MPHOSPH8: variants seen among roughly 807,000 people sequenced by gnomAD.
MPHOSPH8 encodes the protein M-phase phosphoprotein 8.
In MPHOSPH8, 45 loss-of-function variants were observed where a neutral mutation model predicts 87.3. That is an observed-to-expected ratio of 0.52 (90% CI 0.41 to 0.66). The LOEUF is 0.66. Ranked by LOEUF, MPHOSPH8 falls within the 30% of genes least tolerant of loss-of-function variation. MPHOSPH8 has a pLI of 0.00. For missense variants in MPHOSPH8, 883 were observed against 1,020.2 expected, an observed-to-expected ratio of 0.87 and a Z score of 1.83; for synonymous variants, 366 against 376.9, an observed-to-expected ratio of 0.97 and a Z score of 0.33.
chr13:19,665,249 A>G (rs1031540101), intron 9 of MPHOSPH8, among the ~76,000 whole-genome samples: 3 of 152,190 alleles, frequency 2.0e-5, no homozygotes, highest in Non-Finnish European at 4.4e-5. Flanking sequence ...TGTTCCTGAA[A>G]AGCTGTATTT....
intron 5 of MPHOSPH8, among the ~76,000 whole-genome samples, chr13:19,655,786 T>G (rs563190182): frequency 1.3e-5 from 2 of 152,010 alleles, no homozygotes; most frequent in East Asian, 1.9e-4. Flanking sequence ...GACAAAGAAA[T>G]AAAAAAGCCA....
chr13:19,646,534 A>T lies in MPHOSPH8; in HGVS notation c.461A>T (p.Lys154Met). ...TKEDTSPKKK[K>M]KKLRQREEKS... is the part of the protein sequence containing the mutation. The stretch of plus-strand genomic sequence containing the variant: ...GAAGATACTTCCCCAAAGAAGAAAA[A>T]GAAAAAATTGAGGCAGAGAGAAGAG... Residue 154 changes from lysine (K) to methionine (M), a missense_variant, in exon 3 of 14, where the codon AAG (lysine) becomes ATG (methionine). Coordinates refer to ENST00000361479, the MANE Select transcript of MPHOSPH8 (RefSeq NM_017520.4). 1 of 1,575,070 alleles carries T rather than the reference A, an allele frequency of 6.3e-7. No homozygotes were observed. The highest frequency in any genetic ancestry group is 2.3e-5 in the East Asian group (1 of 44,384).
At chr13:19,646,148 A>G (rs994477502) in intron 2 of MPHOSPH8, among the ~76,000 whole-genome samples, 4 of 152,196 alleles carry the variant, frequency 2.6e-5, no homozygotes, top group African/African-American at 9.7e-5. Flanking sequence ...AATTCAAATC[A>G]TTTATAGCCC....
At chr13:19,643,525 C>G (rs1215363815) in intron 2 of MPHOSPH8, among the ~76,000 whole-genome samples, 1 of 152,188 alleles carries the variant, frequency 6.6e-6, no homozygotes, top group Non-Finnish European at 1.5e-5. Context: ...GTTGGGATTA[C>G]AGGTGTGAGC....
At position 19,672,917 on chromosome 13, in the gene MPHOSPH8, G is replaced by A. The variant is rs1876216884; in HGVS notation, c.*1042G>A. ...AGTTCAAGACCAGCCTGGGTAACATGGGGTGGAACAAGCCTGTAGTCCCAG... is the reference window on the plus strand; with the variant it reads ...AGTTCAAGACCAGCCTGGGTAACATAGGGTGGAACAAGCCTGTAGTCCCAG... On this transcript the variant is annotated 3_prime_UTR_variant, in exon 14 of 14. Coordinates refer to ENST00000361479, the MANE Select transcript of MPHOSPH8 (RefSeq NM_017520.4). 1 of 363,252 alleles carries A rather than the reference G, an allele frequency of 2.8e-6. No homozygotes were observed. The highest frequency in any genetic ancestry group is 3.7e-5 in the Admixed American group (1 of 26,912). The allele number at this position is 363,252 out of a possible 1,614,324, so 22.5% of individuals were successfully genotyped here.
chr13:19,653,199 G>A (rs540199319), intron 5 of MPHOSPH8, among the ~76,000 whole-genome samples: 4 of 152,192 alleles, frequency 2.6e-5, no homozygotes, highest in African/African-American at 4.8e-5. Context: ...GGCATCTGGC[G>A]GGTGCCCCTC....
rs1873823176 is a variant in MPHOSPH8 at position 19,633,687 on chromosome 13, C to G, written c.-62C>G. 1.3e-6 allele frequency: 2 copies of G among 1,531,304 alleles called. No individual in the cohort carries two copies. The highest frequency in any genetic ancestry group is 1.8e-6 in the Non-Finnish European group (2 of 1,130,046). The allele number at this position is 1,531,304 out of a possible 1,614,324, so 94.9% of individuals were successfully genotyped here. ...GTGGAGTAGGGCCGAGCGCGGAACG[C>G]GAGGGGCTGCTGGGGTGTTTGTCGC... On this transcript the variant is annotated 5_prime_UTR_variant, in exon 1 of 14. Transcript: ENST00000361479.
In MPHOSPH8 at chr13:19,633,821, G is replaced by A. The variant is rs139734802; in HGVS notation, c.73G>A (p.Ala25Thr). Reference protein sequence around the residue: ...VSAADSTEELAEVEEGVGVVG... With the variant: ...VSAADSTEELTEVEEGVGVVG... ...AGCTGCCGACAGCACTGAGGAGTTG[G>A]CCGAAGTCGAAGAAGGAGTTGGAGT... Residue 25 changes from alanine to threonine, a missense_variant, in exon 1 of 14, where the codon GCC (alanine) becomes ACC (threonine). This residue lies in a region of MPHOSPH8 where 103 missense variants were observed against 96.3 expected (regional missense o/e 1.07). Coordinates refer to ENST00000361479, the MANE Select transcript of MPHOSPH8 (RefSeq NM_017520.4). 9 of 1,610,334 alleles carry A rather than the reference G, an allele frequency of 5.6e-6. No homozygotes were observed. The African/African-American group carries it at 1.1e-4, about 19-fold the overall frequency.
intron 9 of MPHOSPH8, among the ~76,000 whole-genome samples, chr13:19,665,419 G>A (rs1346691426): frequency 2.6e-5 from 4 of 152,216 alleles, no homozygotes; most frequent in Non-Finnish European, 5.9e-5. Context: ...GCCCTCGCCT[G>A]TCACTGCAGG....
chr13:19,670,394 G>T (rs1565945410), intron 12 of MPHOSPH8, 31 bp downstream of exon 12: 6 of 1,602,990 alleles, frequency 3.7e-6, no homozygotes, highest in Non-Finnish European at 5.1e-6. Context: ...CTACTGAAAA[G>T]TACATTCTTC....
At chr13:19,671,351 C>CTA in intron 13 of MPHOSPH8, 62 bp downstream of exon 13, 1 of 1,464,582 alleles carries the variant, frequency 6.8e-7, no homozygotes, top group Non-Finnish European at 9.5e-7. Context: ...ATTACTTTAT[C>CTA]AACATTAGAA....
intron 12 of MPHOSPH8, 44 bp from the exon 13 acceptor site, chr13:19,671,161 TG>T (rs1876106027): frequency 1.3e-6 from 2 of 1,599,706 alleles, no homozygotes; most frequent in South Asian, 1.1e-5. Context: ...GGGCTTCTGG[TG>T]TAAGTTTGAA....
intron 3 of MPHOSPH8, among the ~76,000 whole-genome samples, chr13:19,648,159 T>A (rs942410892): frequency 4.0e-5 from 6 of 151,742 alleles, no homozygotes; most frequent in Non-Finnish European, 5.9e-5. Context: ...TAATTTTCTT[T>A]TTTTTTTTTT....
At position 19,650,138 on chromosome 13, in the gene MPHOSPH8, AAAAC is replaced by A. The variant is rs765872906; in HGVS notation, c.1460_1463del (p.Lys487SerfsTer28). The A allele has an allele frequency of 5.0e-6, 8 of 1,614,090 alleles. No homozygotes were observed. Among genetic ancestry groups the A allele is most frequent in the South Asian group, 3.3e-5 (3 of 91,094 alleles). On this transcript the variant is annotated frameshift_variant, in exon 5 of 14. Coordinates refer to ENST00000361479, the MANE Select transcript of MPHOSPH8 (RefSeq NM_017520.4). LOFTEE classifies it high-confidence loss of function. ...ACCATAGACGATCACAAAACCAAGG[AAAAC>A]AAACAGTCACTTAAAGAAAGGAGAA...
intron 2 of MPHOSPH8, among the ~76,000 whole-genome samples, chr13:19,643,439 G>GTC (rs768769075): frequency 2.0e-5 from 3 of 151,894 alleles, no homozygotes; most frequent in African/African-American, 7.3e-5. Context: ...CAGAGACAGG[G>GTC]TCTCTCTCTA....
intron 2 of MPHOSPH8, 39 bp from the exon 3 acceptor site, chr13:19,646,404 T>C (rs904852456): frequency 7.5e-7 from 1 of 1,341,192 alleles, no homozygotes. Context: ...TTAAAATCAA[T>C]ATGTTAATGA....
At chr13:19,662,918 C>A in intron 8 of MPHOSPH8, 122 bp from the exon 9 acceptor site, 1 of 829,310 alleles carries the variant, frequency 1.2e-6, no homozygotes, top group Non-Finnish European at 1.9e-6. Context: ...ATGCTGCAGC[C>A]CGCAACCACT....
rs374241530 is a variant in MPHOSPH8, at chr13:19,671,913, G to A, written c.*38G>A. The A allele has an allele frequency of 3.5e-4, 563 of 1,599,432 alleles. No individual in the cohort carries two copies. The highest frequency in any genetic ancestry group is 9.5e-4 in the Admixed American group (57 of 59,894). ...GACTGGGCGGAGTTCTCTTCAGACC[G>A]ATTCCTATACTCTCTTTGACAGCAG... On this transcript the variant is annotated 3_prime_UTR_variant, in exon 14 of 14. Transcript: ENST00000361479.
At position 19,670,270 on chromosome 13, in the gene MPHOSPH8, C is replaced by T. The variant is rs1876050685; in HGVS notation, c.2364C>T (p.Asn788=). ...SGILLFIFHA[N]FLGKEVIARL... ...TCCTGCTGTTTATCTTCCATGCAAA[C>T]TTTTTGGGTAAAGAAGTTATTGCTC... Residue 788 remains asparagine, a synonymous_variant, in exon 12 of 14, where the codon AAC becomes AAT. Transcript: ENST00000361479. The T allele has an allele frequency of 6.2e-7, 1 of 1,614,198 alleles. No homozygotes were observed.
Sources: allele counts gnomAD v4.1 joint callset (sites outside exome capture counted in the v4.1 genomes callset), GRCh38; gene constraint gnomAD v4.1.1; regional missense constraint gnomAD v4.1.1; transcripts MANE v1.5; gene names NCBI Gene and HGNC (gene_info 2026-07-23, HGNC 2026-07-21).